The following NBAS variants were observed in gnomAD, a reference collection of about 807,000 sequenced individuals.
NBAS encodes the protein NAG/BC035112 fusion.
Under a neutral mutation model 302.5 loss-of-function variants are expected in NBAS, and 219 were observed. That is an observed-to-expected ratio of 0.72 (90% CI 0.65 to 0.81). The LOEUF is 0.81. Ranked by LOEUF, NBAS falls within the 30% of genes least tolerant of loss-of-function variation. The probability of loss-of-function intolerance (pLI) is 0.00; values close to 1 mark genes in which losing one functional copy is unlikely to be tolerated. For missense variants in NBAS, 2,932 were observed against 2,841.6 expected (o/e 1.03, Z -0.72); for synonymous variants, 1,118 against 1,021.6 (o/e 1.09, Z -1.80).
chr2:15,039,023 A>AACC, the NBAS span, among the ~76,000 whole-genome samples: 2 of 152,172 alleles, frequency 1.3e-5, no homozygotes, highest in Non-Finnish European at 2.9e-5. Flanking sequence ...AACCCTAGGA[A>AACC]TAAATATTTG....
the NBAS span, among the ~76,000 whole-genome samples, chr2:15,064,444 T>C: frequency 1.3e-5 from 2 of 151,856 alleles, no homozygotes; most frequent in African/African-American, 2.4e-5. Flanking sequence ...TAGAAACATA[T>C]AATCTACCAA....
At position 15,234,656 on chromosome 2, in the gene NBAS, C is replaced by A. The variant is rs1667514114; in HGVS notation, c.6035G>T (p.Gly2012Val). The part of the protein sequence containing the change: ...HDEAVAICLD[G>V]QPLAMIQQLL... ...CTGCTGAATCATTGCTAGAGGCTGA[C>A]CATCTAAACAAATAGCCACAGCTTC... Residue 2012 changes from glycine to valine, a missense_variant, in exon 46 of 52, where the codon GGT becomes GTT. Physicochemically the swap from Gly to Val is moderately radical, Grantham distance 109 (BLOSUM62 -3). Transcript: ENST00000281513. 1.2e-6 allele frequency: 2 copies of A among 1,614,142 alleles called. No individual in the cohort carries two copies. Among genetic ancestry groups the A allele is most frequent in the East Asian group, 4.5e-5 (2 of 44,888 alleles).
At chr2:15,297,223 A>G (rs1670589115) in intron 40 of NBAS, among the ~76,000 whole-genome samples, 1 of 152,212 alleles carries the variant, frequency 6.6e-6, no homozygotes, top group African/African-American at 2.4e-5. Flanking sequence ...AAGCAGTGCT[A>G]TGACTCCCAT....
At chr2:15,368,101 T>A (rs528112599) in intron 31 of NBAS, among the ~76,000 whole-genome samples, 1 of 152,182 alleles carries the variant, frequency 6.6e-6, no homozygotes, top group Admixed American at 6.5e-5. Flanking sequence ...ACATACACAT[T>A]TATTTTTTTC....
chr2:15,186,665 C>T (rs1572414671), intron 50 of NBAS, 77 bp downstream of exon 50: 1 of 1,599,850 alleles, frequency 6.3e-7, no homozygotes, highest in Non-Finnish European at 8.6e-7. Flanking sequence ...CAAATCCAGT[C>T]TCTGGGATTG....
chr2:15,315,223 A>G (rs1031585068), intron 38 of NBAS, among the ~76,000 whole-genome samples: 1 of 152,220 alleles, frequency 6.6e-6, no homozygotes, highest in African/African-American at 2.4e-5. Context: ...AAGTTTACTG[A>G]TATCTATGAT....
the NBAS span, among the ~76,000 whole-genome samples, chr2:14,867,026 A>T: frequency 6.6e-6 from 1 of 152,196 alleles, no homozygotes; most frequent in Non-Finnish European, 1.5e-5. Flanking sequence ...TGCCAAAAAG[A>T]TCTTGCATGG....
the NBAS span, among the ~76,000 whole-genome samples, chr2:14,876,893 A>T: frequency 4.6e-5 from 7 of 152,184 alleles, no homozygotes; most frequent in African/African-American, 1.7e-4. Flanking sequence ...CCACTTGGTC[A>T]CATGTATTTC....
intron 48 of NBAS, among the ~76,000 whole-genome samples, chr2:15,204,430 C>T (rs1666042710): frequency 6.6e-6 from 1 of 152,006 alleles, no homozygotes; most frequent in Admixed American, 6.6e-5. Flanking sequence ...ACCTAAGTTT[C>T]TTATTGACAG....
intron 35 of NBAS, among the ~76,000 whole-genome samples, chr2:15,346,681 T>C (rs1184586136): frequency 1.3e-5 from 2 of 152,208 alleles, no homozygotes; most frequent in African/African-American, 4.8e-5. Context: ...TAAATCATTC[T>C]TCTATAAGGA....
In NBAS at chr2:15,534,293, C is replaced by T. The variant is rs188449752; in HGVS notation, c.746+250G>A. 1.4e-4 allele frequency among the ~76,000 whole-genome samples: 22 copies of T among 152,212 alleles called. 1 individual carries two copies. The highest frequency in any genetic ancestry group is 3.1e-4 in the African/African-American group (13 of 41,532). Reference sequence around the variant, plus strand: ...TTTTACAGATGAGAAAAATAAGGTCCGGGGGTTAAAAGAGGAGAATAAATT... The same window carrying T: ...TTTTACAGATGAGAAAAATAAGGTCTGGGGGTTAAAAGAGGAGAATAAATT... On this transcript the variant is annotated intron_variant, in intron 9 of 51. Transcript: ENST00000281513.
At chr2:15,131,703 A>T in the NBAS span, among the ~76,000 whole-genome samples, 1 of 152,216 alleles carries the variant, frequency 6.6e-6, no homozygotes, top group East Asian at 1.9e-4. Context: ...TGCCATAAAG[A>T]AATACCCGAG....
intron 51 of NBAS, among the ~76,000 whole-genome samples, chr2:15,168,742 G>A (rs1408491648): frequency 6.6e-6 from 1 of 152,202 alleles, no homozygotes; most frequent in Non-Finnish European, 1.5e-5. Context: ...CGGTTCTCCT[G>A]CCTCATCCTC....
intron 51 of NBAS, among the ~76,000 whole-genome samples, chr2:15,176,791 G>T (rs1664561393): frequency 6.6e-6 from 1 of 152,186 alleles, no homozygotes; most frequent in Non-Finnish European, 1.5e-5. Context: ...TGTTCAACCT[G>T]TATACTCTAG....
At chr2:15,054,646 G>A in the NBAS span, among the ~76,000 whole-genome samples, 13 of 152,278 alleles carry the variant, frequency 8.5e-5, no homozygotes, top group Middle Eastern at 3.4e-3. Context: ...CAGCATCTCT[G>A]TATCCTTCAG....
chr2:15,150,774 A>G, the NBAS span, among the ~76,000 whole-genome samples: 2 of 152,202 alleles, frequency 1.3e-5, no homozygotes, highest in African/African-American at 4.8e-5. Context: ...AAATCCTTAC[A>G]TGATCTTAGA....
chr2:15,132,866 A>AG, the NBAS span, among the ~76,000 whole-genome samples: 2 of 147,886 alleles, frequency 1.4e-5, no homozygotes, highest in Non-Finnish European at 3.0e-5. Context: ...AAACACACTA[A>AG]AAAAAAAAAC....
chr2:15,302,625 A>G (rs540355917), intron 40 of NBAS, among the ~76,000 whole-genome samples: 2 of 152,310 alleles, frequency 1.3e-5, no homozygotes, highest in East Asian at 3.9e-4. Flanking sequence ...AGCTCCAAGG[A>G]ACACTTTCAA....
intron 38 of NBAS, among the ~76,000 whole-genome samples, chr2:15,314,297 A>G (rs1671410823): frequency 6.6e-6 from 1 of 152,182 alleles, no homozygotes; most frequent in African/African-American, 2.4e-5. Context: ...CAGAGACTGC[A>G]GTGCGCCAAG....
Sources: gnomAD v4.1 joint callset for allele counts (sites outside exome capture counted in the v4.1 genomes callset) on GRCh38, gnomAD v4.1.1 for gene constraint, MANE v1.5 for transcripts, NCBI Gene and HGNC (gene_info 2026-07-23, HGNC 2026-07-21) for gene names.